PSAP: variants seen among roughly 807,000 people sequenced by gnomAD.
PSAP encodes the protein prosaposin.
A neutral mutation model predicts 66.0 loss-of-function variants in PSAP; 25 were observed. The ratio of observed to expected loss-of-function variants is 0.38; its 90% CI spans 0.28 to 0.53. The LOEUF is 0.53. Ranked by LOEUF, PSAP falls within the 20% of genes least tolerant of loss-of-function variation. PSAP has a pLI of 0.83. For missense variants in PSAP, 649 were observed against 668.8 expected (o/e 0.97, Z 0.33); for synonymous variants, 273 against 258.9 (o/e 1.05, Z -0.52).
At chr10:71,818,384 A>T (rs1337433101) in intron 13 of PSAP, among the ~76,000 whole-genome samples, 1 of 151,872 alleles carries the variant, frequency 6.6e-6, no homozygotes, top group Non-Finnish European at 1.5e-5. Flanking sequence ...GCAAAAAAAT[A>T]CTAAAAAAAA....
chr10:71,836,990 C>G (rs573890075), intron 1 of PSAP, among the ~76,000 whole-genome samples: 9 of 152,232 alleles, frequency 5.9e-5, no homozygotes, highest in Non-Finnish European at 1.2e-4. Context: ...AACTGACTGT[C>G]ACTTCCCAAT....
At chr10:71,844,852 A>G (rs773912877) in intron 1 of PSAP, 2 of 152,164 alleles carry the variant, frequency 1.3e-5, no homozygotes, top group Non-Finnish European at 2.9e-5. Context: ...CTAACCTAAC[A>G]ATATACAGTG....
chr10:71,845,461 A>G (rs898932358), intron 1 of PSAP, among the ~76,000 whole-genome samples: 1 of 152,226 alleles, frequency 6.6e-6, no homozygotes, highest in Admixed American at 6.5e-5. Flanking sequence ...AACAGTCAGT[A>G]GAATATACTA....
In PSAP at chr10:71,831,910, G is replaced by A; in HGVS notation, c.185C>T (p.Pro62Leu). 6.2e-7 allele frequency: 1 copy of A among 1,613,956 alleles called. No homozygotes were observed. The highest frequency in any genetic ancestry group is 8.5e-7 in the Non-Finnish European group (1 of 1,179,946). ...VWNKPTVKSL[P>L]CDICKDVVTA... is the part of the protein sequence containing the mutation. ...GACAACGTCTTTGCATATGTCGCAG[G>A]GAAGGGATTTCTAAGAGAAAGAATA... is the stretch of plus-strand genomic sequence containing the variant. The change falls in exon 3 of 14, where the codon CCC becomes CTC. Residue 62 changes from proline to leucine, a missense_variant. Transcript: ENST00000394936.
intron 1 of PSAP, 41 bp downstream of exon 1, chr10:71,851,141 G>A (rs1220066793): frequency 9.0e-6 from 14 of 1,548,762 alleles, no homozygotes; most frequent in East Asian, 2.4e-5. Context: ...GATGGACGCT[G>A]CGAGGCACCT....
At chr10:71,824,539 G>A (rs180931990) in intron 7 of PSAP, among the ~76,000 whole-genome samples, 578 of 152,266 alleles carry the variant, frequency 3.8e-3, no homozygotes, top group Non-Finnish European at 6.3e-3. Flanking sequence ...CTTCCCAAAG[G>A]CAAACCTGAA....
At chr10:71,850,474 G>T in intron 1 of PSAP, among the ~76,000 whole-genome samples, 1 of 151,312 alleles carries the variant, frequency 6.6e-6, no homozygotes. Flanking sequence ...CCAAACCAAC[G>T]TATTTCTTAA....
At chr10:71,825,697 G>T in intron 7 of PSAP, 140 bp downstream of exon 7, 1 of 776,244 alleles carries the variant, frequency 1.3e-6, no homozygotes, top group Non-Finnish European at 2.2e-6. Context: ...GAGTCTCCTA[G>T]CCAGAGGGGT....
intron 2 of PSAP, among the ~76,000 whole-genome samples, 195 bp from the exon 3 acceptor site, chr10:71,832,115 C>T (rs764421152): frequency 5.3e-5 from 8 of 152,122 alleles, no homozygotes; most frequent in Non-Finnish European, 8.8e-5. Flanking sequence ...GTGTGACTCA[C>T]CAGAACACAC....
chr10:71,840,246 C>T (rs1842711029), intron 1 of PSAP, among the ~76,000 whole-genome samples: 1 of 151,904 alleles, frequency 6.6e-6, no homozygotes, highest in Admixed American at 6.6e-5. Context: ...TCAGAGCCTA[C>T]ATTCCACAGG....
Position 71,829,011 on chromosome 10 carries a change from G to A in PSAP, c.442C>T (p.Leu148=), listed in dbSNP as rs750878824. The change falls in exon 5 of 14, where the codon CTG becomes TTG. Residue 148 remains leucine, a synonymous_variant. Coordinates refer to ENST00000394936, the MANE Select transcript of PSAP (RefSeq NM_002778.4). ...GACTCCAGCTGCTTCTGGTGATTCA[G>A]CTCTGCTAGGTGCTTCTGGAGAGAC... The part of the protein sequence containing the change: ...CESLQKHLAE[L]NHQKQLESNK... 2 of 1,614,182 alleles carry A rather than the reference G, an allele frequency of 1.2e-6. No individual in the cohort carries two copies. Among genetic ancestry groups the A allele is most frequent in the East Asian group, 4.5e-5 (2 of 44,890 alleles).
At chr10:71,822,069 A>C in intron 7 of PSAP, 62 bp from the exon 8 acceptor site, 1 of 1,611,742 alleles carries the variant, frequency 6.2e-7, no homozygotes. Context: ...CTCAGTCCCA[A>C]TCCAGCCAGA....
chr10:71,819,992 T>A, intron 9 of PSAP, 92 bp from the exon 10 acceptor site: 744 of 992,674 alleles, frequency 7.5e-4, no homozygotes, highest in Non-Finnish European at 1.0e-3. Context: ...AGGAAATGAG[T>A]CAATGGTGGG....
chr10:71,847,726 C>G (rs975266660), intron 1 of PSAP, among the ~76,000 whole-genome samples: 4 of 151,650 alleles, frequency 2.6e-5, no homozygotes, highest in African/African-American at 9.7e-5. Context: ...TTAAAACAAA[C>G]CCTTCTTTCT....
Position 71,819,631 on chromosome 10 carries a change from G to A in PSAP, c.1193-9C>T, listed in dbSNP as rs1190970898. 6.2e-7 allele frequency: 1 copy of A among 1,614,160 alleles called. No homozygotes were observed. The highest frequency in any genetic ancestry group is 1.7e-5 in the Admixed American group (1 of 60,028). On this transcript the variant is annotated splice_polypyrimidine_tract_variant and intron_variant, in intron 10 of 13. Coordinates refer to ENST00000394936, the MANE Select transcript of PSAP (RefSeq NM_002778.4). The stretch of plus-strand genomic sequence containing the variant: ...TGGCTGAGTCACGTGAACTACATAA[G>A]AGGGCAGCGGGCTCAACGCTGGCAG...
At chr10:71,823,331 G>A (rs199783489) in intron 7 of PSAP, among the ~76,000 whole-genome samples, 2 of 152,340 alleles carry the variant, frequency 1.3e-5, no homozygotes, top group South Asian at 2.1e-4. Flanking sequence ...CAGAGGGGCA[G>A]AAGCCACAAT....
chr10:71,844,086 A>AT (rs1286553608), intron 1 of PSAP, among the ~76,000 whole-genome samples: 2 of 152,252 alleles, frequency 1.3e-5, no homozygotes, highest in African/African-American at 4.8e-5. Context: ...CCACTAAGTC[A>AT]TTTTACTCCT....
At position 71,831,178 on chromosome 10, in the gene PSAP, T is replaced by A. The variant is rs763295469; in HGVS notation, c.323A>T (p.Glu108Val). The stretch of plus-strand genomic sequence containing the variant: ...GACAGGGAGGTAGGAGTCCACTATC[T>A]CCTTGCATGAAGCAGACATGTTCGG... Reference protein sequence around the residue: ...PKPNMSASCKEIVDSYLPVIL... With the variant: ...PKPNMSASCKVIVDSYLPVIL... Residue 108 changes from glutamate (E) to valine (V), a missense_variant, in exon 4 of 14, where the codon GAG becomes GTG. Glu to Val is a moderately radical substitution (Grantham distance 121). Coordinates refer to ENST00000394936, the MANE Select transcript of PSAP (RefSeq NM_002778.4). The A allele has an allele frequency of 1.9e-6, 3 of 1,614,010 alleles. No individual in the cohort carries two copies. Among genetic ancestry groups the A allele is most frequent in the Non-Finnish European group, 2.5e-6 (3 of 1,180,018 alleles).
intron 1 of PSAP, 30 bp from the exon 2 acceptor site, chr10:71,834,535 C>T (rs756485367): frequency 6.2e-7 from 1 of 1,611,426 alleles, no homozygotes; most frequent in Non-Finnish European, 8.5e-7. Flanking sequence ...GAGGAGGTGG[C>T]CCATTTTGTA....
Sources: allele counts gnomAD v4.1 joint callset (sites outside exome capture counted in the v4.1 genomes callset), GRCh38; gene constraint gnomAD v4.1.1; transcripts MANE v1.5; gene names NCBI Gene and HGNC (gene_info 2026-07-23, HGNC 2026-07-21).